Variants in CPNE8 observed in about 807,000 individuals in gnomAD.
The protein encoded by CPNE8 is copine-8.
In CPNE8, 45 loss-of-function variants were observed where a neutral mutation model predicts 81.5. The observed-to-expected ratio is 0.55, with a 90% confidence interval of 0.44 to 0.71. The LOEUF is 0.71. Ranked by LOEUF, CPNE8 falls within the 30% of genes least tolerant of loss-of-function variation. CPNE8 has a pLI of 0.00. For missense variants in CPNE8, 594 were observed against 672.1 expected (o/e 0.88, Z 1.28); for synonymous variants, 252 against 226.3 (o/e 1.11, Z -1.02).
At chr12:38,696,167 C>G (rs908734456) in intron 14 of CPNE8, among the ~76,000 whole-genome samples, 5 of 152,094 alleles carry the variant, frequency 3.3e-5, no homozygotes, top group African/African-American at 1.2e-4. Flanking sequence ...CTATCTCTTT[C>G]CAGCATCTTC....
At chr12:38,881,771 G>A (rs961870240) in intron 1 of CPNE8, among the ~76,000 whole-genome samples, 2 of 152,178 alleles carry the variant, frequency 1.3e-5, no homozygotes, top group Non-Finnish European at 2.9e-5. Flanking sequence ...GTTAGCCTGA[G>A]ATAAATACAA....
At chr12:38,674,794 G>A (rs570042208) in intron 18 of CPNE8, among the ~76,000 whole-genome samples, 8 of 152,266 alleles carry the variant, frequency 5.3e-5, no homozygotes, top group Admixed American at 5.2e-4. Context: ...GGAGGGACTG[G>A]TGGTTAAATA....
intron 7 of CPNE8, among the ~76,000 whole-genome samples, chr12:38,773,644 G>A (rs80342970): frequency 0.028 from 4,183 of 152,078 alleles, 73 homozygotes; most frequent in African/African-American, 0.048. Flanking sequence ...CTGACAACTC[G>A]TTTTAAAGAA....
chr12:38,682,040 C>T (rs867357233), intron 16 of CPNE8, among the ~76,000 whole-genome samples: 5 of 151,440 alleles, frequency 3.3e-5, no homozygotes, highest in Admixed American at 1.3e-4. Flanking sequence ...GCCAACAAGG[C>T]GAAACCCCGT....
chr12:38,778,164 A>G (rs1484638974), intron 6 of CPNE8, among the ~76,000 whole-genome samples: 1 of 152,162 alleles, frequency 6.6e-6, no homozygotes, highest in East Asian at 1.9e-4. Flanking sequence ...CACTTGAATC[A>G]TCCCGAAACT....
At position 38,798,833 on chromosome 12, in the gene CPNE8, A is replaced by C. The variant is rs1471807805; in HGVS notation, c.408-22532T>G. ...CACATGCAGAGACACACATAGGCTC[A>C]AAATAAAAGGATGGAGGAAGATCTA... On this transcript the variant is annotated intron_variant, in intron 6 of 19. Coordinates refer to ENST00000331366, the MANE Select transcript of CPNE8 (RefSeq NM_153634.3). Among the ~76,000 whole-genome samples, 7 of 152,190 alleles carry C rather than the reference A, an allele frequency of 4.6e-5. 1 individual carries two copies. Among genetic ancestry groups the C allele is most frequent in the East Asian group, 3.8e-4 (2 of 5,198 alleles).
At chr12:38,755,590 CAAAAAAAGAA>C (rs1565599395) in intron 10 of CPNE8, among the ~76,000 whole-genome samples, 3 of 150,410 alleles carry the variant, frequency 2.0e-5, no homozygotes, top group African/African-American at 4.9e-5. Context: ...CCACCCATCT[CAAAAAAAGAA>C]AAAAAAAGAA....
chr12:38,702,991 G>T (rs1007341681), intron 13 of CPNE8, 70 bp from the exon 14 acceptor site: 1 of 1,107,074 alleles, frequency 9.0e-7, no homozygotes, highest in Non-Finnish European at 1.3e-6. Flanking sequence ...TTTCCATTTC[G>T]GTTATATTTT....
At chr12:38,738,850 G>C in intron 10 of CPNE8, among the ~76,000 whole-genome samples, 2 of 113,670 alleles carry the variant, frequency 1.8e-5, no homozygotes, top group African/African-American at 6.8e-5. Context: ...GTCTTGCTCT[G>C]TTGCCCATAC....
At chr12:38,764,349 A>G (rs826850) in intron 8 of CPNE8, among the ~76,000 whole-genome samples, 145,446 of 152,088 alleles carry the variant, frequency 0.96, 69,721 homozygotes, top group East Asian at 1. Flanking sequence ...CGGGCGCAGT[A>G]GCTCACGCCT....
At chr12:38,845,332 C>A (rs1409604542) in intron 4 of CPNE8, among the ~76,000 whole-genome samples, 1 of 152,048 alleles carries the variant, frequency 6.6e-6, no homozygotes, top group Non-Finnish European at 1.5e-5. Flanking sequence ...CGTGTGTGTA[C>A]GTGTGCAAAT....
intron 3 of CPNE8, among the ~76,000 whole-genome samples, chr12:38,867,366 G>GAGAC (rs1943932391): frequency 6.7e-6 from 1 of 149,854 alleles, no homozygotes; most frequent in Admixed American, 6.7e-5. Flanking sequence ...GAGAGAGAGA[G>GAGAC]AGACAGAGAG....
chr12:38,747,629 G>A (rs1484447682), intron 10 of CPNE8, among the ~76,000 whole-genome samples: 1 of 151,976 alleles, frequency 6.6e-6, no homozygotes, highest in African/African-American at 2.4e-5. Flanking sequence ...GTATAAAGCT[G>A]CACTGTTCAA....
rs74087366 is a variant in CPNE8, at chr12:38,724,220, C to T, written c.853-387G>A. The stretch of plus-strand genomic sequence containing the variant: ...TGTGTTTTCAGTCAGGATTCTGTAA[C>T]GAGCTCATCTAATATTTTAACTGTC... On this transcript the variant is annotated intron_variant, in intron 12 of 19. Coordinates refer to ENST00000331366, the MANE Select transcript of CPNE8 (RefSeq NM_153634.3). Among the ~76,000 whole-genome samples the T allele has an allele frequency of 8.0e-3, 1,212 of 152,196 alleles. 15 individuals are homozygous for T. The highest frequency in any genetic ancestry group is 0.026 in the African/African-American group (1,078 of 41,518).
chr12:38,675,144 T>C (rs1939259685), intron 18 of CPNE8, among the ~76,000 whole-genome samples: 1 of 152,238 alleles, frequency 6.6e-6, no homozygotes, highest in South Asian at 2.1e-4. Context: ...AGCATAATTA[T>C]ATAAAGTCTC....
intron 6 of CPNE8, among the ~76,000 whole-genome samples, chr12:38,778,774 C>T (rs1008536448): frequency 3.9e-5 from 6 of 152,160 alleles, no homozygotes; most frequent in South Asian, 2.1e-4. Context: ...GCAATATTCA[C>T]GACATAAACC....
intron 7 of CPNE8, among the ~76,000 whole-genome samples, chr12:38,771,809 G>A (rs182886817): frequency 5.9e-5 from 9 of 152,208 alleles, no homozygotes; most frequent in Non-Finnish European, 1.3e-4. Flanking sequence ...AAAAATACAC[G>A]TGGGACTGCA....
intron 6 of CPNE8, among the ~76,000 whole-genome samples, chr12:38,828,140 G>A (rs935406537): frequency 2.0e-5 from 3 of 151,950 alleles, no homozygotes; most frequent in Non-Finnish European, 2.9e-5. Context: ...TCTTTTTAAC[G>A]ACAAAAAACA....
intron 6 of CPNE8, among the ~76,000 whole-genome samples, chr12:38,800,923 T>G (rs1281509521): frequency 3.9e-5 from 5 of 128,280 alleles, no homozygotes; most frequent in Non-Finnish European, 8.2e-5. Flanking sequence ...GAAGATGAAA[T>G]GAATGAAATG....
Sources: gnomAD v4.1 joint callset for allele counts (sites outside exome capture counted in the v4.1 genomes callset) on GRCh38, gnomAD v4.1.1 for gene constraint, MANE v1.5 for transcripts, NCBI Gene and HGNC (gene_info 2026-07-23, HGNC 2026-07-21) for gene names.